The following AUTS2 variants were observed in gnomAD, a reference collection of about 807,000 sequenced individuals.
AUTS2 encodes activator of transcription and developmental regulator AUTS2.
Under a neutral mutation model 112.4 loss-of-function variants are expected in AUTS2, and 17 were observed. The ratio of observed to expected loss-of-function variants is 0.15; its 90% CI spans 0.10 to 0.23. The LOEUF is 0.23. AUTS2 is among the 10% of genes least tolerant of loss of function. The pLI is 1.00. For synonymous variants in AUTS2, 751 were observed against 702.7 expected, an observed-to-expected ratio of 1.07 and a Z score of -1.09; for missense variants, 1,510 against 1,701.6, an observed-to-expected ratio of 0.89 and a Z score of 1.98.
chr7:69,721,283 C>G (rs564565990), intron 1 of AUTS2, among the ~76,000 whole-genome samples: 1 of 152,180 alleles, frequency 6.6e-6, no homozygotes, highest in Non-Finnish European at 1.5e-5. Context: ...CTAGAATGCT[C>G]TTACCCTCAA....
chr7:69,834,356 G>A (rs1791629408), intron 1 of AUTS2, among the ~76,000 whole-genome samples: 1 of 152,162 alleles, frequency 6.6e-6, no homozygotes, highest in African/African-American at 2.4e-5. Flanking sequence ...TTCTGTTTTA[G>A]ATGGTGTTCC....
At chr7:69,714,648 C>G (rs890247876) in intron 1 of AUTS2, among the ~76,000 whole-genome samples, 5 of 152,106 alleles carry the variant, frequency 3.3e-5, no homozygotes, top group African/African-American at 1.2e-4. Context: ...GTGAGACTTT[C>G]AACTTTGCTG....
chr7:70,282,633 G>T (rs889486881), intron 4 of AUTS2, among the ~76,000 whole-genome samples: 16 of 152,128 alleles, frequency 1.1e-4, no homozygotes, highest in African/African-American at 3.6e-4. Context: ...TTGGTAGTTA[G>T]GATTTCAACA....
chr7:69,766,266 T>C (rs1788415798), intron 1 of AUTS2, among the ~76,000 whole-genome samples: 1 of 152,260 alleles, frequency 6.6e-6, no homozygotes, highest in South Asian at 2.1e-4. Context: ...CATGTTGTAG[T>C]ATGTATGTAT....
chr7:70,119,876 T>C (rs1182223170), intron 3 of AUTS2: 2 of 152,180 alleles, frequency 1.3e-5, no homozygotes, highest in Non-Finnish European at 2.9e-5. Context: ...TAAAGCAGTG[T>C]GCTGTTCATT....
intron 4 of AUTS2, among the ~76,000 whole-genome samples, chr7:70,213,571 C>G (rs979450998): frequency 2.0e-5 from 3 of 151,420 alleles, no homozygotes; most frequent in African/African-American, 7.3e-5. Context: ...ATTTTAAATG[C>G]ACTTCAACTT....
rs3974412 is a variant in AUTS2 at position 70,757,807 on chromosome 7, C to CTTTTTTT, written c.743-5044_743-5038dup. Reference sequence around the variant, plus strand: ...TTTCTTGAGTATTCTTCCATGGCTTCTTTTTTTTTTTTTTTTTTTTTTTTT... The same window carrying CTTTTTTT: ...TTTCTTGAGTATTCTTCCATGGCTTCTTTTTTTTTTTTTTTTTTTTTTTTTTTTTTTT... On this transcript the variant is annotated intron_variant, in intron 6 of 18. Coordinates refer to ENST00000342771, the MANE Select transcript of AUTS2 (RefSeq NM_015570.4). Among the ~76,000 whole-genome samples the CTTTTTTT allele has an allele frequency of 7.9e-4, 48 of 60,540 alleles. 3 individuals are homozygous for CTTTTTTT. Among genetic ancestry groups the CTTTTTTT allele is most frequent in the Middle Eastern group, 0.029 (1 of 34 alleles). 39.7% of individuals were successfully genotyped at this position (60,540 alleles called of 152,430 possible).
chr7:70,290,550 T>C (rs1459793831), intron 4 of AUTS2: 1 of 1,503,764 alleles, frequency 6.6e-7, no homozygotes, highest in Non-Finnish European at 8.8e-7. Flanking sequence ...TCTAATACTC[T>C]ATGTGATATA....
chr7:70,417,733 G>A lies in AUTS2; in HGVS notation c.661-18019G>A, dbSNP rs151305760. The stretch of plus-strand genomic sequence containing the variant: ...CCTGAGATGGTATGGCAGGTTGGAG[G>A]TTTCCTCTTCTATTCCATTCATCCC... On this transcript the variant is annotated intron_variant, in intron 4 of 18. Transcript: ENST00000342771. 2.9e-3 allele frequency among the ~76,000 whole-genome samples: 446 copies of A among 152,268 alleles called. 3 individuals carry two copies. The highest frequency in any genetic ancestry group is 0.01 in the African/African-American group (423 of 41,558).
intron 4 of AUTS2, among the ~76,000 whole-genome samples, chr7:70,289,589 C>A (rs1421460432): frequency 6.6e-6 from 1 of 152,106 alleles, no homozygotes; most frequent in Admixed American, 6.5e-5. Context: ...GGAGAGAAGT[C>A]TTGGTTTATA....
At chr7:70,150,512 ACAGACACATAGACCAT>A (rs1363066105) in intron 4 of AUTS2, among the ~76,000 whole-genome samples, 2 of 152,306 alleles carry the variant, frequency 1.3e-5, no homozygotes, top group East Asian at 3.9e-4. Flanking sequence ...TGAGCTCAAA[ACAGACACATAGACCAT>A]CAGAAAATAC....
rs189261583 is a variant in AUTS2, at chr7:69,787,794, C to T, written c.310-111492C>T. ...TCACCATGTTGGCCAGGGCTGGTCT[C>T]GAACTCCTGACTTCAGGTGATCCGC... On this transcript the variant is annotated intron_variant, in intron 1 of 18. Transcript: ENST00000342771. 2.7e-3 allele frequency among the ~76,000 whole-genome samples: 414 copies of T among 152,274 alleles called. 12 individuals are homozygous for T. The highest frequency in any genetic ancestry group is 3.3e-3 in the Non-Finnish European group (226 of 68,018).
At chr7:70,338,516 T>C (rs1791098955) in intron 4 of AUTS2, among the ~76,000 whole-genome samples, 1 of 152,212 alleles carries the variant, frequency 6.6e-6, no homozygotes, top group Admixed American at 6.5e-5. Context: ...GTATAATTGT[T>C]ATTATGTCTT....
intron 1 of AUTS2, among the ~76,000 whole-genome samples, chr7:69,634,842 C>T (rs1272133025): frequency 6.6e-6 from 1 of 152,194 alleles, no homozygotes; most frequent in Non-Finnish European, 1.5e-5. Context: ...AACAGGCTCA[C>T]TTAACACTCA....
chr7:70,663,887 CT>C (rs759456195), intron 5 of AUTS2, among the ~76,000 whole-genome samples: 3 of 152,174 alleles, frequency 2.0e-5, no homozygotes, highest in East Asian at 3.9e-4. Context: ...ACTACCACAT[CT>C]CAGAATGAGT....
intron 4 of AUTS2, among the ~76,000 whole-genome samples, chr7:70,405,218 A>G (rs764766752): frequency 1.9e-4 from 29 of 152,206 alleles, no homozygotes; most frequent in Non-Finnish European, 3.4e-4. Context: ...GTTGTTCTAT[A>G]AAATATAGTA....
At chr7:70,445,469 A>T (rs149224097) in intron 5 of AUTS2, among the ~76,000 whole-genome samples, 170 of 152,228 alleles carry the variant, frequency 1.1e-3, no homozygotes, top group African/African-American at 4.0e-3. Flanking sequence ...AAATTCAAAC[A>T]TGGCGGTTTC....
At chr7:69,729,416 A>ACC (rs1786677942) in intron 1 of AUTS2, among the ~76,000 whole-genome samples, 3 of 32,810 alleles carry the variant, frequency 9.1e-5, no homozygotes, top group African/African-American at 3.8e-4. Context: ...AATGTCCCCC[A>ACC]ACACCCCCCC....
intron 2 of AUTS2, among the ~76,000 whole-genome samples, chr7:70,070,786 C>T (rs1027368509): frequency 3.3e-5 from 5 of 151,436 alleles, no homozygotes; most frequent in East Asian, 2.0e-4. Context: ...GCAGGAGAAT[C>T]GCTTGAACCT....
Sources: allele counts gnomAD v4.1 joint callset (sites outside exome capture counted in the v4.1 genomes callset), GRCh38; gene constraint gnomAD v4.1.1; transcripts MANE v1.5; gene names NCBI Gene and HGNC (gene_info 2026-07-23, HGNC 2026-07-21).